The following RAPGEF6 variants were observed in gnomAD, a reference collection of about 807,000 sequenced individuals.
RAPGEF6 encodes PDZ domain containing guanine nucleotide exchange factor (GEF) 2.
A neutral mutation model predicts 171.4 loss-of-function variants in RAPGEF6; 56 were observed. That is an observed-to-expected ratio of 0.33 (90% CI 0.26 to 0.41). The LOEUF is 0.41. RAPGEF6 is among the 10% of genes least tolerant of loss of function. RAPGEF6 has a pLI of 1.00. For synonymous variants in RAPGEF6, 692 were observed against 650.1 expected (o/e 1.06, Z -0.98); for missense variants, 1,674 against 1,921.4 (o/e 0.87, Z 2.41).
intron 4 of RAPGEF6, among the ~76,000 whole-genome samples, chr5:131,568,044 T>G (rs1242263509): frequency 2.0e-5 from 3 of 152,196 alleles, no homozygotes; most frequent in African/African-American, 7.2e-5. Context: ...CTCTCAATCC[T>G]TTTCAACTTA....
intron 1 of RAPGEF6, among the ~76,000 whole-genome samples, chr5:131,625,638 AC>A (rs1235646724): frequency 6.6e-6 from 1 of 151,828 alleles, no homozygotes; most frequent in Non-Finnish European, 1.5e-5. Context: ...ACATGGTGAA[AC>A]CCCGTCTCTA....
At chr5:131,612,122 T>C (rs1352089033) in intron 1 of RAPGEF6, among the ~76,000 whole-genome samples, 1 of 151,628 alleles carries the variant, frequency 6.6e-6, no homozygotes, top group East Asian at 1.9e-4. Context: ...GATGCCTCGA[T>C]CTCCAGGACT....
chr5:131,538,170 C>T (rs1320419440), intron 6 of RAPGEF6, among the ~76,000 whole-genome samples: 3 of 152,162 alleles, frequency 2.0e-5, no homozygotes, highest in Admixed American at 2.0e-4. Context: ...ACTATCTACA[C>T]TGCATTTACA....
At chr5:131,570,759 A>G (rs1762229903) in intron 4 of RAPGEF6, among the ~76,000 whole-genome samples, 1 of 152,126 alleles carries the variant, frequency 6.6e-6, no homozygotes, top group Admixed American at 6.5e-5. Flanking sequence ...TACTCTCTCT[A>G]TATGTAAAAT....
intron 16 of RAPGEF6, among the ~76,000 whole-genome samples, chr5:131,478,725 C>T (rs964955791): frequency 2.6e-5 from 4 of 152,184 alleles, no homozygotes; most frequent in African/African-American, 9.6e-5. Flanking sequence ...GTGAATTTCT[C>T]AGAGGTAAGG....
chr5:131,463,894 A>T, intron 18 of RAPGEF6, 147 bp downstream of exon 18: 2 of 1,391,242 alleles, frequency 1.4e-6, no homozygotes, highest in Non-Finnish European at 1.9e-6. Context: ...TTTTAGCAGG[A>T]GTGACAAGAT....
At chr5:131,495,313 C>CAATA (rs71000991) in intron 13 of RAPGEF6, among the ~76,000 whole-genome samples, 146,019 of 147,648 alleles carry the variant, frequency 0.99, 72,196 homozygotes, top group South Asian at 1. Context: ...CAAATAAATA[C>CAATA]AATAAATAAA....
intron 13 of RAPGEF6, 46 bp from the exon 14 acceptor site, chr5:131,492,831 A>G: frequency 2.0e-6 from 3 of 1,531,062 alleles, no homozygotes; most frequent in Non-Finnish European, 2.7e-6. Context: ...ATCTATTCCT[A>G]TAGGTTTTTA....
rs1370146940 is a variant in RAPGEF6 at position 131,462,135 on chromosome 5, A to G, written c.2481-47T>C. ...AATAAATGTATTCATAAATATGATT[A>G]AATAAGAGCACTTTTCCTTTTTGTC... On this transcript the variant is annotated intron_variant, in intron 18 of 27. Transcript: ENST00000509018. The G allele has an allele frequency of 4.6e-6, 6 of 1,290,414 alleles. No homozygotes were observed. In the African/African-American group the frequency reaches 9.1e-5, roughly 20 times the overall value. The allele number at this position is 1,290,414 out of a possible 1,614,324, so 79.9% of individuals were successfully genotyped here.
In RAPGEF6 at chr5:131,428,905, C is replaced by T. The variant is rs140599952; in HGVS notation, c.4777G>A (p.Asp1593Asn). The change falls in exon 27 of 28, where the codon GAT becomes AAT. Residue 1593 changes from aspartate (D) to asparagine (N), a missense_variant. Coordinates refer to ENST00000509018, the MANE Select transcript of RAPGEF6 (RefSeq NM_016340.6). ...GDVTDADSEA[D>N]ENEQVSAV is the part of the protein sequence containing the mutation. ...TTAAGAGAGCTTGTCAACATACCATCTGCTTCGCTATCTGCATCAGTCACA... is the reference window on the plus strand; with the variant it reads ...TTAAGAGAGCTTGTCAACATACCATTTGCTTCGCTATCTGCATCAGTCACA... 1 of 1,611,764 alleles carries T rather than the reference C, an allele frequency of 6.2e-7. No homozygotes were observed. The highest frequency in any genetic ancestry group is 1.3e-5 in the African/African-American group (1 of 74,892).
chr5:131,618,074 C>G lies in RAPGEF6; in HGVS notation c.70-13381G>C, dbSNP rs188221505. Among the ~76,000 whole-genome samples the G allele has an allele frequency of 1.6e-3, 240 of 152,278 alleles. 1 individual carries two copies. Among genetic ancestry groups the G allele is most frequent in the African/African-American group, 5.6e-3 (232 of 41,552 alleles). ...ACTTCAGTACTAGAGCAAAGAAAGT[C>G]AGGACCTGGAACATCTTTTTATGCC... On this transcript the variant is annotated intron_variant, in intron 1 of 27. Coordinates refer to ENST00000509018, the MANE Select transcript of RAPGEF6 (RefSeq NM_016340.6).
intron 1 of RAPGEF6, among the ~76,000 whole-genome samples, chr5:131,622,186 T>TA (rs368148920): frequency 3.5e-4 from 51 of 147,182 alleles, no homozygotes; most frequent in Non-Finnish European, 5.6e-4. Flanking sequence ...AACTCTTTCC[T>TA]AAAAAAAAAA....
At chr5:131,603,995 T>G (rs1764401925) in intron 2 of RAPGEF6, among the ~76,000 whole-genome samples, 1 of 152,110 alleles carries the variant, frequency 6.6e-6, no homozygotes, top group African/African-American at 2.4e-5. Context: ...GAAAGTGTTT[T>G]TATAAATATA....
chr5:131,529,299 A>G (rs1482126191), intron 6 of RAPGEF6, among the ~76,000 whole-genome samples: 1 of 151,116 alleles, frequency 6.6e-6, no homozygotes, highest in Non-Finnish European at 1.5e-5. Flanking sequence ...AACATGGTGA[A>G]ACTCCACCTC....
At chr5:131,539,454 C>T (rs762460774) in intron 6 of RAPGEF6, among the ~76,000 whole-genome samples, 4 of 152,138 alleles carry the variant, frequency 2.6e-5, no homozygotes, top group Non-Finnish European at 5.9e-5. Context: ...TTTTTGTTTA[C>T]TGGTGCTCCA....
At chr5:131,490,795 T>A (rs1756228521) in intron 14 of RAPGEF6, among the ~76,000 whole-genome samples, 1 of 152,034 alleles carries the variant, frequency 6.6e-6, no homozygotes, top group Non-Finnish European at 1.5e-5. Flanking sequence ...GTGAAATGAG[T>A]TGAAATAATG....
intron 19 of RAPGEF6, among the ~76,000 whole-genome samples, chr5:131,457,150 C>G (rs1753568234): frequency 6.6e-6 from 1 of 152,192 alleles, no homozygotes; most frequent in South Asian, 2.1e-4. Flanking sequence ...CAACCTCTGC[C>G]TCCCAGGGTC....
Position 131,446,603 on chromosome 5 carries a change from G to C in RAPGEF6, c.3301C>G (p.Leu1101Val). The C allele has an allele frequency of 6.2e-7, 1 of 1,614,198 alleles. No homozygotes were observed. Residue 1101 changes from leucine (L) to valine (V), a missense_variant, in exon 22 of 28, where the codon CTA becomes GTA. Around this residue, in one of 3 missense-constraint regions of RAPGEF6, gnomAD observed 6 missense variants for 25.7 expected, o/e 0.23. Coordinates refer to ENST00000509018, the MANE Select transcript of RAPGEF6 (RefSeq NM_016340.6). ...RRSSLLNAKK[L>V]YEDAQMARKV... Reference sequence around the variant, plus strand: ...CTTGCCATTTGGGCATCCTCATATAGCTTCTTGGCATTAAGCAGAGAGCTG... The same window carrying C: ...CTTGCCATTTGGGCATCCTCATATACCTTCTTGGCATTAAGCAGAGAGCTG...
intron 21 of RAPGEF6, among the ~76,000 whole-genome samples, chr5:131,447,906 T>A (rs1183292522): frequency 6.6e-6 from 1 of 152,214 alleles, no homozygotes; most frequent in Non-Finnish European, 1.5e-5. Context: ...ATTATTTACA[T>A]CTGCAGAGAC....
Sources: allele counts gnomAD v4.1 joint callset (sites outside exome capture counted in the v4.1 genomes callset), GRCh38; gene constraint gnomAD v4.1.1; regional missense constraint gnomAD v4.1.1; transcripts MANE v1.5; gene names NCBI Gene and HGNC (gene_info 2026-07-23, HGNC 2026-07-21).